The following ALG14 variants were observed in gnomAD, a reference collection of about 807,000 sequenced individuals.
ALG14 encodes UDP-N-acetylglucosamine transferase subunit ALG14.
In ALG14, 17 loss-of-function variants were observed where a neutral mutation model predicts 22.8. The observed-to-expected ratio is 0.75, with a 90% CI of 0.51 to 1.12. ALG14 has a LOEUF of 1.12. Ranked by LOEUF, ALG14 falls within the 50% of genes most tolerant of loss-of-function variation. The pLI, the probability that ALG14 is intolerant of heterozygous loss-of-function variation, is 0.00. For synonymous variants in ALG14, 89 were observed against 103.7 expected (o/e 0.86, Z 0.86); for missense variants, 288 against 271.8 (o/e 1.06, Z -0.42).
chr1:95,053,695 G>T (rs1230944987), intron 2 of ALG14, among the ~76,000 whole-genome samples: 1 of 152,062 alleles, frequency 6.6e-6, no homozygotes, highest in African/African-American at 2.4e-5. Context: ...CACAGCGTTA[G>T]GATTATAGGT....
chr1:95,068,208 G>T (rs1435254414), intron 1 of ALG14, among the ~76,000 whole-genome samples: 1 of 152,126 alleles, frequency 6.6e-6, no homozygotes, highest in Non-Finnish European at 1.5e-5. Context: ...ATGAATGTTT[G>T]ATATTAAATC....
chr1:95,021,501 CCTT>C (rs1673661469), intron 3 of ALG14, among the ~76,000 whole-genome samples: 1 of 152,118 alleles, frequency 6.6e-6, no homozygotes, highest in African/African-American at 2.4e-5. Flanking sequence ...GTCTGTGCCC[CCTT>C]CTTTTATTTT....
chr1:95,038,691 A>AC (rs1401382008), intron 2 of ALG14, among the ~76,000 whole-genome samples: 2 of 151,672 alleles, frequency 1.3e-5, no homozygotes, highest in Non-Finnish European at 2.9e-5. Context: ...CAAAAAAAAA[A>AC]AAAAACAAAG....
rs137952534 is a variant in ALG14 at position 95,021,463 on chromosome 1, C to G, written c.420+5666G>C. On this transcript the variant is annotated intron_variant, in intron 3 of 3. Transcript: ENST00000370205. Reference sequence around the variant, plus strand: ...TGGAGAGCAGCACCCTTCTGAGGCTCTCCATTACATATTCAATTATCGGTG... The same window carrying G: ...TGGAGAGCAGCACCCTTCTGAGGCTGTCCATTACATATTCAATTATCGGTG... 3.8e-3 allele frequency among the ~76,000 whole-genome samples: 580 copies of G among 152,332 alleles called. 6 individuals carry two copies. Among genetic ancestry groups the G allele is most frequent in the African/African-American group, 0.013 (561 of 41,574 alleles).
chr1:94,979,310 A>AAAAAAAAAAAAAAAAAAAAAAG lies in ALG14; in HGVS notation c.*3765_*3766insCTTTTTTTTTTTTTTTTTTTTT, dbSNP rs1553222994. ...GTCTCGAAAAAAAAAAAAAAAAAAAAAAAAGAAAGAAAAAAGTGAAACAAG... is the reference window on the plus strand; with the variant it reads ...GTCTCGAAAAAAAAAAAAAAAAAAAAAAAAAAAAAAAAAAAAAAAAAGAAAAGAAAGAAAAAAGTGAAACAAG... On this transcript the variant is annotated 3_prime_UTR_variant, in exon 4 of 4. Coordinates refer to ENST00000370205, the MANE Select transcript of ALG14 (RefSeq NM_144988.4). The AAAAAAAAAAAAAAAAAAAAAAG allele has an allele frequency of 4.5e-5, 4 of 89,880 alleles. No individual in the cohort carries two copies. The highest frequency in any genetic ancestry group is 1.6e-4 in the African/African-American group (3 of 18,786). 5.6% of individuals were successfully genotyped at this position (89,880 alleles called of 1,614,324 possible). A position where few individuals can be genotyped will look rare whatever the true frequency, so the allele number is the denominator to read the frequency against.
intron 3 of ALG14, among the ~76,000 whole-genome samples, chr1:95,003,531 C>T (rs558621878): frequency 6.6e-6 from 1 of 151,622 alleles, no homozygotes; most frequent in Non-Finnish European, 1.5e-5. Flanking sequence ...CTCACCACAG[C>T]CTTGACCTCC....
intron 2 of ALG14, among the ~76,000 whole-genome samples, chr1:95,063,968 T>A (rs1182698214): frequency 6.6e-6 from 1 of 152,210 alleles, no homozygotes; most frequent in East Asian, 1.9e-4. Context: ...GAGCAGTGGT[T>A]TGTAGCTCTC....
At chr1:95,023,713 G>A (rs1673729510) in intron 3 of ALG14, among the ~76,000 whole-genome samples, 1 of 152,248 alleles carries the variant, frequency 6.6e-6, no homozygotes. Context: ...TGTATGCAGA[G>A]CTCTTTCCTT....
chr1:94,993,596 C>A (rs935094937), intron 3 of ALG14, among the ~76,000 whole-genome samples: 2 of 151,948 alleles, frequency 1.3e-5, no homozygotes, highest in Non-Finnish European at 2.9e-5. Flanking sequence ...CTGCAGTGAC[C>A]CTGTAGTATA....
intron 2 of ALG14, among the ~76,000 whole-genome samples, chr1:95,047,994 C>T (rs1674616074): frequency 6.6e-6 from 1 of 151,992 alleles, no homozygotes; most frequent in African/African-American, 2.4e-5. Flanking sequence ...AAAACATAAA[C>T]AATAAATAAA....
At chr1:95,024,219 C>A (rs1173070137) in intron 3 of ALG14, among the ~76,000 whole-genome samples, 1 of 152,094 alleles carries the variant, frequency 6.6e-6, no homozygotes. Flanking sequence ...CCTCGTGATC[C>A]GCCCACCTCA....
At chr1:95,035,199 C>G (rs1674144546) in intron 2 of ALG14, among the ~76,000 whole-genome samples, 1 of 151,050 alleles carries the variant, frequency 6.6e-6, no homozygotes. Flanking sequence ...GTTTTGTTTT[C>G]TCTCTTTCTT....
At chr1:95,004,195 T>C (rs961838252) in intron 3 of ALG14, among the ~76,000 whole-genome samples, 1 of 149,512 alleles carries the variant, frequency 6.7e-6, no homozygotes, top group East Asian at 2.0e-4. Context: ...AGCCGCTGAC[T>C]CCAAAGCATG....
At chr1:95,037,839 C>T (rs1674248023) in intron 2 of ALG14, among the ~76,000 whole-genome samples, 1 of 152,140 alleles carries the variant, frequency 6.6e-6, no homozygotes, top group African/African-American at 2.4e-5. Context: ...ACTCTCTAAG[C>T]ATGGATTCAT....
intron 2 of ALG14, among the ~76,000 whole-genome samples, chr1:95,030,227 C>G (rs1364960041): frequency 6.6e-6 from 1 of 152,036 alleles, no homozygotes; most frequent in African/African-American, 2.4e-5. Context: ...TGAATATTCA[C>G]ACTAAACAGG....
intron 3 of ALG14, among the ~76,000 whole-genome samples, chr1:95,018,500 C>T (rs1269072866): frequency 6.6e-6 from 1 of 152,028 alleles, no homozygotes; most frequent in Non-Finnish European, 1.5e-5. Context: ...CATGTCAATG[C>T]ACTCCAGCCT....
At chr1:95,057,593 CA>C (rs1036476045) in intron 2 of ALG14, among the ~76,000 whole-genome samples, 2 of 148,602 alleles carry the variant, frequency 1.3e-5, no homozygotes, top group African/African-American at 4.9e-5. Context: ...CACACACACA[CA>C]GATGGTCATT....
In ALG14 at chr1:95,064,974, G is replaced by A. The variant is rs1307336812; in HGVS notation, c.180C>T (p.Ser60=). ...CATAATGTCTAGGTGAGTAGGCATT[G>A]GACAAGCTCCCAAGCAGCCTCAGGA... The part of the protein sequence containing the change: ...TEILRLLGSL[S]NAYSPRHYVI... Residue 60 remains serine (S), a synonymous_variant, in exon 2 of 4, where the codon TCC becomes TCT. Transcript: ENST00000370205. 6.2e-7 allele frequency: 1 copy of A among 1,613,500 alleles called. No homozygotes were observed. Among genetic ancestry groups the A allele is most frequent in the Non-Finnish European group, 8.5e-7 (1 of 1,179,676 alleles).
intron 2 of ALG14, 107 bp from the exon 3 acceptor site, chr1:95,027,367 T>A: frequency 7.4e-7 from 1 of 1,351,322 alleles, no homozygotes; most frequent in South Asian, 1.4e-5. Context: ...TTAATTTAAA[T>A]TTTCATTCTA....
Sources: allele counts gnomAD v4.1 joint callset (sites outside exome capture counted in the v4.1 genomes callset), GRCh38; gene constraint gnomAD v4.1.1; transcripts MANE v1.5; gene names NCBI Gene and HGNC (gene_info 2026-07-23, HGNC 2026-07-21).